Variants in CACNA1H observed in about 807,000 individuals in gnomAD.
The protein encoded by CACNA1H is calcium voltage-gated channel subunit alpha1 H.
Under a neutral mutation model 192.5 loss-of-function variants are expected in CACNA1H, and 149 were observed. The ratio of observed to expected loss-of-function variants is 0.77; its 90% CI spans 0.68 to 0.89. The LOEUF is 0.89. Ranked by LOEUF, CACNA1H falls within the 40% of genes least tolerant of loss-of-function variation. The probability of loss-of-function intolerance (pLI) is 0.00; values close to 1 mark genes in which losing one functional copy is unlikely to be tolerated. For missense variants in CACNA1H, 4,257 were observed against 3,423.5 expected (o/e 1.24, Z -6.08); for synonymous variants, 2,202 against 1,475.2 (o/e 1.49, Z -11.29).
chr16:1,217,811 G>A (rs796165719), intron 31 of CACNA1H, 108 bp from the exon 32 acceptor site: 33 of 1,390,972 alleles, frequency 2.4e-5, no homozygotes, highest in African/African-American at 1.4e-4. Context: ...CACATCCTCC[G>A]GGCTATCCTG....
chr16:1,186,376 G>A (rs1365218318), intron 2 of CACNA1H, among the ~76,000 whole-genome samples: 1 of 152,032 alleles, frequency 6.6e-6, no homozygotes, highest in African/African-American at 2.4e-5. Context: ...CAGATTCCTG[G>A]ACGTTTCGCT....
rs57335218 is a variant in CACNA1H at position 1,207,698 on chromosome 16, G to A, written c.3064-72G>A. On this transcript the variant is annotated intron_variant, in intron 14 of 34. Coordinates refer to ENST00000348261, the MANE Select transcript of CACNA1H (RefSeq NM_021098.3). ...ACACCCCACCTCCCAGGCCAGCCCAGACTTCTGTCCGGCATGAAGGGTCCC... is the reference window on the plus strand; with the variant it reads ...ACACCCCACCTCCCAGGCCAGCCCAAACTTCTGTCCGGCATGAAGGGTCCC... The A allele has an allele frequency of 2.8e-3, 3,758 of 1,363,700 alleles. 88 individuals carry two copies. The African/African-American group carries it at 0.048, about 17-fold the overall frequency. The allele number at this position is 1,363,700 out of a possible 1,614,324, so 84.5% of individuals were successfully genotyped here.
intron 6 of CACNA1H, among the ~76,000 whole-genome samples, chr16:1,199,635 C>T (rs1967537615): frequency 6.7e-6 from 1 of 149,424 alleles, no homozygotes; most frequent in South Asian, 2.1e-4. Context: ...TCTGCAGTCT[C>T]TCCTCAGCCC....
chr16:1,213,958 C>T (rs772587555), intron 27 of CACNA1H, 27 bp downstream of exon 27: 1 of 1,590,342 alleles, frequency 6.3e-7, no homozygotes. Context: ...CGCGAGGGGC[C>T]CAGGGGCTGG....
intron 16 of CACNA1H, among the ~76,000 whole-genome samples, chr16:1,208,830 C>T (rs889417491): frequency 6.6e-6 from 1 of 152,200 alleles, no homozygotes; most frequent in African/African-American, 2.4e-5. Flanking sequence ...ATCACCCCCG[C>T]GAGGCGGACA....
Position 1,219,116 on chromosome 16 carries a change from C to T in CACNA1H, c.6034C>T (p.Leu2012=), listed in dbSNP as rs4609848. 7.1e-6 allele frequency: 11 copies of T among 1,542,412 alleles called. No homozygotes were observed. In the Admixed American group the frequency reaches 1.6e-4, roughly 22 times the overall value. Residue 2012 remains leucine (L), a synonymous_variant, in exon 34 of 35, where the codon CTG becomes TTG. Transcript: ENST00000348261. ...AGCCCGCTCCCCCAGTCTCAGCCGG[C>T]TGCTCTGCAGACAGGTAGGAGAAGC... ...GTARSPSLSR[L]LCRQEAVHTD...
chr16:1,154,620 T>C (rs1962053634), intron 2 of CACNA1H, among the ~76,000 whole-genome samples: 1 of 151,826 alleles, frequency 6.6e-6, no homozygotes, highest in African/African-American at 2.4e-5. Context: ...CTGAACTCGG[T>C]GGCGGGGCTG....
chr16:1,192,036 C>T (rs995415450), intron 2 of CACNA1H, among the ~76,000 whole-genome samples: 11 of 152,258 alleles, frequency 7.2e-5, no homozygotes, highest in Non-Finnish European at 1.2e-4. Flanking sequence ...CCAACCTTGC[C>T]CCTCTATGGT....
chr16:1,185,607 G>GACGGTCGGCGTGCATA (rs1965930341), intron 2 of CACNA1H, among the ~76,000 whole-genome samples: 2 of 436 alleles, frequency 4.6e-3, no homozygotes, highest in Admixed American at 0.02. Flanking sequence ...AGCGTGCGTA[G>GACGGTCGGCGTGCATA]GGGCCGGAGG....
In CACNA1H at chr16:1,164,656, A is replaced by G. The variant is rs539120116; in HGVS notation, c.299+10620A>G. Among the ~76,000 whole-genome samples, 6 of 152,216 alleles carry G rather than the reference A, an allele frequency of 3.9e-5. No homozygotes were observed. The South Asian group carries it at 1.2e-3, about 32-fold the overall frequency. On this transcript the variant is annotated intron_variant, in intron 2 of 34. Coordinates refer to ENST00000348261, the MANE Select transcript of CACNA1H (RefSeq NM_021098.3). ...CTGCACAGAATGGGGCACAGTTAAA[A>G]CCTGGGAGTGAGGCCTTTCCGTCGG...
chr16:1,201,071 C>T (rs925248604), intron 8 of CACNA1H, among the ~76,000 whole-genome samples: 1 of 152,112 alleles, frequency 6.6e-6, no homozygotes, highest in Non-Finnish European at 1.5e-5. Flanking sequence ...TGCATAGCCT[C>T]CCAGCACCGC....
At chr16:1,169,845 C>G (rs772145111) in intron 2 of CACNA1H, among the ~76,000 whole-genome samples, 1 of 152,258 alleles carries the variant, frequency 6.6e-6, no homozygotes, top group Non-Finnish European at 1.5e-5. Context: ...CCGGCTTCCC[C>G]GTGAGGCCGG....
chr16:1,206,820 C>A (rs928987623), intron 12 of CACNA1H, 181 bp from the exon 13 acceptor site: 4 of 592,072 alleles, frequency 6.8e-6, no homozygotes, highest in African/African-American at 5.6e-5. Flanking sequence ...AGTTGTAGGG[C>A]AGGAAGTCCC....
chr16:1,156,132 G>A (rs1043296154), intron 2 of CACNA1H, among the ~76,000 whole-genome samples: 1 of 152,160 alleles, frequency 6.6e-6, no homozygotes, highest in Non-Finnish European at 1.5e-5. Flanking sequence ...GTCTGCCTGC[G>A]GCACGGCAGG....
At chr16:1,161,279 C>T (rs924521460) in intron 2 of CACNA1H, among the ~76,000 whole-genome samples, 1 of 152,208 alleles carries the variant, frequency 6.6e-6, no homozygotes. Flanking sequence ...CATTAATGAA[C>T]GCTGTCAACT....
At chr16:1,162,296 C>T (rs1167701441) in intron 2 of CACNA1H, among the ~76,000 whole-genome samples, 1 of 152,136 alleles carries the variant, frequency 6.6e-6, no homozygotes, top group Non-Finnish European at 1.5e-5. Context: ...CACCTGCCCT[C>T]ACAGCTGCGA....
rs867354746 is a variant in CACNA1H at position 1,186,141 on chromosome 16, G to A, written c.300-8831G>A. ...GCCGGAGGCGGGGTGTGTACGGGGC[G>A]GGTGACTAGACGGTCGGCGTGCGTA... is the stretch of plus-strand genomic sequence containing the variant. On this transcript the variant is annotated intron_variant, in intron 2 of 34. Coordinates refer to ENST00000348261, the MANE Select transcript of CACNA1H (RefSeq NM_021098.3). Among the ~76,000 whole-genome samples the A allele has an allele frequency of 3.8e-5, 5 of 132,032 alleles. 1 individual carries two copies. Among genetic ancestry groups the A allele is most frequent in the Admixed American group, 7.3e-5 (1 of 13,762 alleles). 86.6% of individuals were successfully genotyped at this position (132,032 alleles called of 152,430 possible).
intron 26 of CACNA1H, among the ~76,000 whole-genome samples, chr16:1,213,430 A>G (rs1969689116): frequency 6.6e-6 from 1 of 152,006 alleles, no homozygotes; most frequent in Admixed American, 6.5e-5. Context: ...TGGGGGAGCC[A>G]TCTCAGCTTC....
chr16:1,185,246 G>A (rs117102854), intron 2 of CACNA1H, among the ~76,000 whole-genome samples: 8 of 152,314 alleles, frequency 5.3e-5, no homozygotes, highest in South Asian at 2.1e-4. Context: ...GTTTGTTCAC[G>A]GGTCTGTTGG....
Sources: allele counts gnomAD v4.1 joint callset (sites outside exome capture counted in the v4.1 genomes callset), GRCh38; gene constraint gnomAD v4.1.1; transcripts MANE v1.5; gene names NCBI Gene and HGNC (gene_info 2026-07-23, HGNC 2026-07-21).